MAF: variants seen among roughly 807,000 people sequenced by gnomAD.
The protein encoded by MAF is MAF bZIP transcription factor.
A neutral mutation model predicts 22.0 loss-of-function variants in MAF; 10 were observed. That is an observed-to-expected ratio of 0.45 (90% CI 0.28 to 0.77). The LOEUF (loss-of-function observed/expected upper bound fraction) is 0.77, where lower values mean the gene tolerates loss of function less well. MAF is among the 30% of genes least tolerant of loss of function. MAF has a pLI of 0.12. For missense variants in MAF, 544 were observed against 548.4 expected (o/e 0.99, Z 0.08); for synonymous variants, 337 against 255.8 (o/e 1.32, Z -3.03).
the MAF span, among the ~76,000 whole-genome samples, chr16:79,494,263 G>C: frequency 6.6e-6 from 1 of 152,136 alleles, no homozygotes; most frequent in Non-Finnish European, 1.5e-5. Context: ...TTTCTTCCTG[G>C]AGGCACTGGG....
the MAF span, among the ~76,000 whole-genome samples, chr16:79,401,830 A>G: frequency 6.6e-6 from 1 of 152,172 alleles, no homozygotes; most frequent in Non-Finnish European, 1.5e-5. Flanking sequence ...TGAAATGTGT[A>G]TCCCCAAGTA....
chr16:79,375,343 C>T, the MAF span, among the ~76,000 whole-genome samples: 3 of 152,184 alleles, frequency 2.0e-5, no homozygotes, highest in East Asian at 3.8e-4. Flanking sequence ...TAAAGTTCCA[C>T]ATTGTTGTTC....
chr16:79,459,563 T>C, the MAF span, among the ~76,000 whole-genome samples: 1 of 152,088 alleles, frequency 6.6e-6, no homozygotes, highest in Non-Finnish European at 1.5e-5. Flanking sequence ...TTCAATAAGT[T>C]CTTACTTATT....
downstream of MAF, among the ~76,000 whole-genome samples, chr16:79,588,839 A>C: frequency 6.6e-6 from 1 of 152,324 alleles, no homozygotes; most frequent in South Asian, 2.1e-4. Flanking sequence ...TAAATAAATA[A>C]ATAAATTTTT....
At chr16:79,570,701 T>A in the MAF span, among the ~76,000 whole-genome samples, 1 of 152,198 alleles carries the variant, frequency 6.6e-6, no homozygotes, top group Non-Finnish European at 1.5e-5. Context: ...TCTGCAAATA[T>A]TCCCACGATG....
chr16:79,464,380 G>A, the MAF span, among the ~76,000 whole-genome samples: 9 of 152,226 alleles, frequency 5.9e-5, no homozygotes, highest in Admixed American at 5.2e-4. Context: ...CACAGTAGCC[G>A]TGAAGACATA....
chr16:79,420,753 G>T, the MAF span, among the ~76,000 whole-genome samples: 1 of 152,256 alleles, frequency 6.6e-6, no homozygotes, highest in Non-Finnish European at 1.5e-5. Context: ...TTTGAGGCTT[G>T]ACGCGGTGGC....
At chr16:79,548,905 A>G in the MAF span, among the ~76,000 whole-genome samples, 1 of 152,148 alleles carries the variant, frequency 6.6e-6, no homozygotes, top group Non-Finnish European at 1.5e-5. Flanking sequence ...ACTTACACAA[A>G]AAATAAAAGA....
the MAF span, among the ~76,000 whole-genome samples, chr16:79,503,753 C>G: frequency 6.6e-6 from 1 of 152,192 alleles, no homozygotes; most frequent in African/African-American, 2.4e-5. Context: ...GTGGCCCAAT[C>G]AGAGCAACTG....
At chr16:79,263,487 G>C in the MAF span, among the ~76,000 whole-genome samples, 1 of 152,344 alleles carries the variant, frequency 6.6e-6, no homozygotes, top group East Asian at 1.9e-4. Context: ...TTGTCCTAAA[G>C]GGGTGGCGCT....
the MAF span, among the ~76,000 whole-genome samples, chr16:79,552,220 CTT>C: frequency 5.4e-5 from 8 of 149,370 alleles, no homozygotes; most frequent in Admixed American, 3.3e-4. Flanking sequence ...GCTCTCTCTT[CTT>C]TTTTTTTTTC....
At chr16:79,427,097 T>C in the MAF span, among the ~76,000 whole-genome samples, 1 of 152,228 alleles carries the variant, frequency 6.6e-6, no homozygotes, top group Non-Finnish European at 1.5e-5. Context: ...TAATCTGTTG[T>C]GAGGACCACA....
the MAF span, among the ~76,000 whole-genome samples, chr16:79,452,912 C>G: frequency 3.9e-5 from 6 of 152,186 alleles, no homozygotes; most frequent in Admixed American, 1.3e-4. Context: ...GAGAGCCACT[C>G]AGGCGAGCTG....
At chr16:79,324,490 C>G in the MAF span, among the ~76,000 whole-genome samples, 3 of 152,160 alleles carry the variant, frequency 2.0e-5, no homozygotes, top group East Asian at 1.9e-4. Flanking sequence ...GCCCTAGAAC[C>G]AATCCCCCAT....
the MAF span, among the ~76,000 whole-genome samples, chr16:79,553,971 C>G: frequency 6.6e-6 from 1 of 152,090 alleles, no homozygotes; most frequent in South Asian, 2.1e-4. Flanking sequence ...CACCTGTAAT[C>G]CCAGCTACTC....
At chr16:79,518,647 A>T in the MAF span, among the ~76,000 whole-genome samples, 1 of 152,258 alleles carries the variant, frequency 6.6e-6, no homozygotes, top group Admixed American at 6.5e-5. Context: ...TAGTAAAGTT[A>T]TCGTGAGGAT....
chr16:79,455,881 G>A, the MAF span, among the ~76,000 whole-genome samples: 1 of 152,072 alleles, frequency 6.6e-6, no homozygotes, highest in Non-Finnish European at 1.5e-5. Context: ...AGCCGGGTGT[G>A]GAGGCGCATT....
At position 79,593,883 on chromosome 16, in the gene MAF, C is replaced by T; in HGVS notation, c.*577G>A. 5.3e-6 allele frequency: 1 copy of T among 188,952 alleles called. No homozygotes were observed. Among genetic ancestry groups the T allele is most frequent in the Non-Finnish European group, 1.1e-5 (1 of 89,850 alleles). The allele number at this position is 188,952 out of a possible 1,614,324, so 11.7% of individuals were successfully genotyped here. A position where few individuals can be genotyped will look rare whatever the true frequency, so the allele number is the denominator to read the frequency against. ...TTTTGCCACACATTGTTTTCATTTA[C>T]AGCTATGTCTGACAAATGAGCACGT... On this transcript the variant is annotated 3_prime_UTR_variant, in exon 2 of 2. Coordinates refer to ENST00000326043, the MANE Select transcript of MAF (RefSeq NM_005360.5).
chr16:79,546,968 G>C, the MAF span, among the ~76,000 whole-genome samples: 1 of 152,192 alleles, frequency 6.6e-6, no homozygotes, highest in Non-Finnish European at 1.5e-5. Flanking sequence ...ACAATTGAAA[G>C]TGCAAATTTG....
Sources: allele counts gnomAD v4.1 joint callset (sites outside exome capture counted in the v4.1 genomes callset), GRCh38; gene constraint gnomAD v4.1.1; transcripts MANE v1.5; gene names NCBI Gene and HGNC (gene_info 2026-07-23, HGNC 2026-07-21).